The following ANK1 variants were observed in gnomAD, a reference collection of about 807,000 sequenced individuals.
The protein encoded by ANK1 is ankyrin 1.
ANK1 carries 51 observed loss-of-function variants against 210.4 expected under a neutral mutation model. The observed-to-expected ratio is 0.24, with a 90% CI of 0.19 to 0.31. The LOEUF (loss-of-function observed/expected upper bound fraction) is 0.31. ANK1 is among the 10% of genes least tolerant of loss of function. The probability of loss-of-function intolerance (pLI) is 1.00; values close to 1 mark genes in which losing one functional copy is unlikely to be tolerated. For synonymous variants in ANK1, 967 were observed against 1,025.9 expected (o/e 0.94, Z 1.10); for missense variants, 2,051 against 2,504.4 (o/e 0.82, Z 3.86).
rs1027183274 is a variant in ANK1, at chr8:41,655,496, C to G, written c.*294G>C. Reference sequence around the variant, plus strand: ...CTGCGCTTGTTTTCTATCCCTCTCTCTCCCCGCTTCTTGCTGCTTTTGTGT... The same window carrying G: ...CTGCGCTTGTTTTCTATCCCTCTCTGTCCCCGCTTCTTGCTGCTTTTGTGT... On this transcript the variant is annotated 3_prime_UTR_variant, in exon 43 of 43. Coordinates refer to ENST00000289734, the MANE Select transcript of ANK1 (RefSeq NM_000037.4). 2 of 542,838 alleles carry G rather than the reference C, an allele frequency of 3.7e-6. No homozygotes were observed. Among genetic ancestry groups the G allele is most frequent in the East Asian group, 5.9e-5 (2 of 33,790 alleles). The allele number at this position is 542,838 out of a possible 1,614,324, so 33.6% of individuals were successfully genotyped here. A position where few individuals can be genotyped will look rare whatever the true frequency, so the allele number is the denominator to read the frequency against.
rs1403151126 is a variant in ANK1, at chr8:41,741,243, G to A, written c.130-7174C>T. 4.6e-5 allele frequency among the ~76,000 whole-genome samples: 7 copies of A among 152,174 alleles called. No homozygotes were observed. The East Asian group carries it at 1.3e-3, about 29-fold the overall frequency. ...CATGAGGGAAAGATCTGGAGAAGCGGTGAAAGCTTTGTGTCCGTTCCTCCC... is the reference window on the plus strand; with the variant it reads ...CATGAGGGAAAGATCTGGAGAAGCGATGAAAGCTTTGTGTCCGTTCCTCCC... On this transcript the variant is annotated intron_variant, in intron 2 of 42. Transcript: ENST00000289734.
At chr8:41,724,173 A>G (rs1330607712) in intron 7 of ANK1, among the ~76,000 whole-genome samples, 1 of 152,210 alleles carries the variant, frequency 6.6e-6, no homozygotes, top group African/African-American at 2.4e-5. Flanking sequence ...CAGAGTCAAC[A>G]TAACAGACTG....
intron 1 of ANK1, among the ~76,000 whole-genome samples, chr8:41,837,674 C>T (rs1320869799): frequency 6.6e-6 from 1 of 152,020 alleles, no homozygotes; most frequent in Non-Finnish European, 1.5e-5. Flanking sequence ...GAGTTTGAGA[C>T]CAGCGTGGAC....
At chr8:41,785,032 C>T (rs1331923355) in intron 1 of ANK1, among the ~76,000 whole-genome samples, 2 of 152,196 alleles carry the variant, frequency 1.3e-5, no homozygotes, top group African/African-American at 4.8e-5. Context: ...CCGGCTTCTC[C>T]TCTTGAGTCT....
At chr8:41,673,740 T>G (rs532375443) in intron 37 of ANK1, among the ~76,000 whole-genome samples, 4 of 152,332 alleles carry the variant, frequency 2.6e-5, no homozygotes, top group Admixed American at 2.6e-4. Context: ...CCTGAGTGCA[T>G]GACCCGTGCA....
upstream of ANK1, among the ~76,000 whole-genome samples, chr8:41,798,473 C>T (rs1188701539): frequency 1.3e-5 from 2 of 152,212 alleles, no homozygotes; most frequent in Admixed American, 1.3e-4. Flanking sequence ...GTCGGGGCTG[C>T]CCACCAGCCA....
At chr8:41,834,127 A>G (rs1294838440) in intron 1 of ANK1, among the ~76,000 whole-genome samples, 4 of 152,188 alleles carry the variant, frequency 2.6e-5, no homozygotes, top group Non-Finnish European at 5.9e-5. Flanking sequence ...GAGGGCTCCC[A>G]GCAGGTCAGA....
chr8:41,663,950 ACGAAC>A, intron 39 of ANK1: 1 of 660,668 alleles, frequency 1.5e-6, no homozygotes, highest in Non-Finnish European at 2.8e-6. Context: ...AGGCCTGAAG[ACGAAC>A]GGTCGAGCTC....
At chr8:41,718,902 G>A in intron 10 of ANK1, among the ~76,000 whole-genome samples, 1 of 152,214 alleles carries the variant, frequency 6.6e-6, no homozygotes, top group East Asian at 1.9e-4. Context: ...AATGTCAACA[G>A]TCCTGAGGCT....
At chr8:41,745,505 G>A (rs984590360) in intron 2 of ANK1, among the ~76,000 whole-genome samples, 3 of 152,100 alleles carry the variant, frequency 2.0e-5, no homozygotes, top group Middle Eastern at 3.2e-3. Context: ...CTATAGATTC[G>A]GAACTACTAA....
upstream of ANK1, among the ~76,000 whole-genome samples, chr8:41,799,854 C>G (rs1849590627): frequency 6.6e-6 from 1 of 152,158 alleles, no homozygotes; most frequent in Non-Finnish European, 1.5e-5. Flanking sequence ...TTTCGGGGAG[C>G]AGCCTGGTTT....
chr8:41,880,568 G>A (rs1251453322), intron 1 of ANK1, among the ~76,000 whole-genome samples: 4 of 152,250 alleles, frequency 2.6e-5, no homozygotes, highest in Non-Finnish European at 5.9e-5. Context: ...GATATGTCCT[G>A]CAATACTGCA....
chr8:41,863,094 C>T (rs1813607579), intron 1 of ANK1, among the ~76,000 whole-genome samples: 2 of 152,146 alleles, frequency 1.3e-5, no homozygotes, highest in African/African-American at 4.8e-5. Flanking sequence ...CGCGGTGGCT[C>T]ATGCCTGTAA....
intron 1 of ANK1, among the ~76,000 whole-genome samples, chr8:41,795,842 C>A (rs1587004924): frequency 6.6e-6 from 1 of 152,188 alleles, no homozygotes; most frequent in Non-Finnish European, 1.5e-5. Context: ...TGTTTGATAG[C>A]AGCTTAGGGT....
At chr8:41,781,742 C>A (rs1195886913) in intron 1 of ANK1, among the ~76,000 whole-genome samples, 2 of 152,148 alleles carry the variant, frequency 1.3e-5, no homozygotes, top group Non-Finnish European at 2.9e-5. Context: ...GCACAGAGAC[C>A]AGCAACCAAC....
At chr8:41,847,620 C>T (rs1810310299) in intron 1 of ANK1, among the ~76,000 whole-genome samples, 1 of 152,210 alleles carries the variant, frequency 6.6e-6, no homozygotes, top group South Asian at 2.1e-4. Flanking sequence ...TCATTTTACA[C>T]ATGCAGAGAT....
chr8:41,894,277 C>G (rs545541206), intron 1 of ANK1, among the ~76,000 whole-genome samples: 37 of 151,920 alleles, frequency 2.4e-4, no homozygotes, highest in African/African-American at 8.7e-4. Context: ...TAATGAAAAT[C>G]TGAATGGAAG....
chr8:41,727,438 G>T, intron 4 of ANK1, 90 bp from the exon 5 acceptor site: 2 of 918,690 alleles, frequency 2.2e-6, no homozygotes, highest in Admixed American at 1.8e-5. Flanking sequence ...GGAGGACAGC[G>T]CTCTCTTCAT....
chr8:41,756,149 A>T (rs994399147), intron 2 of ANK1, among the ~76,000 whole-genome samples: 19 of 151,960 alleles, frequency 1.3e-4, no homozygotes, highest in African/African-American at 3.4e-4. Context: ...TATTTATTTT[A>T]TTTATTTATT....
Sources: allele counts gnomAD v4.1 joint callset (sites outside exome capture counted in the v4.1 genomes callset), GRCh38; gene constraint gnomAD v4.1.1; transcripts MANE v1.5; gene names NCBI Gene and HGNC (gene_info 2026-07-23, HGNC 2026-07-21).